The following MIPOL1 variants were observed in gnomAD, a reference collection of about 807,000 sequenced individuals.
The protein encoded by MIPOL1 is mirror-image polydactyly gene 1 protein.
A neutral mutation model predicts 60.9 loss-of-function variants in MIPOL1; 57 were observed. The observed-to-expected ratio is 0.94, with a 90% CI of 0.76 to 1.17. The LOEUF is 1.17. MIPOL1 is among the 50% of genes most tolerant of loss of function. The pLI, the probability that MIPOL1 is intolerant of heterozygous loss-of-function variation, is 0.00. For missense variants in MIPOL1, 551 were observed against 511.6 expected, an observed-to-expected ratio of 1.08 and a Z score of -0.74; for synonymous variants, 179 against 168.8, an observed-to-expected ratio of 1.06 and a Z score of -0.47.
intron 10 of MIPOL1, among the ~76,000 whole-genome samples, chr14:37,378,659 G>A (rs1479724879): frequency 6.6e-6 from 1 of 150,860 alleles, no homozygotes; most frequent in South Asian, 2.1e-4. Context: ...AGGGAGGGAA[G>A]GAAAGAATGT....
At chr14:37,416,597 T>A (rs1366231164) in intron 10 of MIPOL1, among the ~76,000 whole-genome samples, 1 of 152,164 alleles carries the variant, frequency 6.6e-6, no homozygotes, top group Non-Finnish European at 1.5e-5. Context: ...AACTATAGTC[T>A]TATATGTGGT....
intron 11 of MIPOL1, among the ~76,000 whole-genome samples, chr14:37,449,737 T>C (rs2094390114): frequency 6.6e-6 from 1 of 152,182 alleles, no homozygotes; most frequent in Non-Finnish European, 1.5e-5. Context: ...ACTTGAGCCA[T>C]GACTTTCTTG....
intron 3 of MIPOL1, among the ~76,000 whole-genome samples, chr14:37,264,864 C>A (rs1401757384): frequency 6.6e-6 from 1 of 152,098 alleles, no homozygotes; most frequent in Non-Finnish European, 1.5e-5. Flanking sequence ...TGATGTTTGG[C>A]TCTCATTTCT....
rs368814037 is a variant in MIPOL1, at chr14:37,307,190, A to G, written c.624-866A>G. 3.1e-3 allele frequency among the ~76,000 whole-genome samples: 465 copies of G among 151,936 alleles called. 2 individuals carry two copies. The highest frequency in any genetic ancestry group is 0.011 in the African/African-American group (441 of 41,548). ...ACAGAAACGGGGAAAACTTGAGAAAACAGAAACTTGGATATCTAAACTTTT... is the reference window on the plus strand; with the variant it reads ...ACAGAAACGGGGAAAACTTGAGAAAGCAGAAACTTGGATATCTAAACTTTT... On this transcript the variant is annotated intron_variant, in intron 7 of 12. Transcript: ENST00000684589.
chr14:37,521,604 T>C (rs1391947653), intron 12 of MIPOL1, among the ~76,000 whole-genome samples: 4 of 151,944 alleles, frequency 2.6e-5, no homozygotes, highest in Admixed American at 6.6e-5. Context: ...AAGAAAAAAA[T>C]TACGCTCTAA....
chr14:37,483,887 C>T (rs1296226631), intron 11 of MIPOL1, among the ~76,000 whole-genome samples: 1 of 152,158 alleles, frequency 6.6e-6, no homozygotes, highest in African/African-American at 2.4e-5. Flanking sequence ...CCTCCCACCT[C>T]AGTTTTCCAA....
At chr14:37,292,779 C>T (rs1455066470) in intron 7 of MIPOL1, among the ~76,000 whole-genome samples, 1 of 152,064 alleles carries the variant, frequency 6.6e-6, no homozygotes, top group African/African-American at 2.4e-5. Context: ...CCATGCCCAG[C>T]CTAATAAACA....
chr14:37,311,560 A>G (rs780844615), intron 9 of MIPOL1, among the ~76,000 whole-genome samples: 11 of 152,128 alleles, frequency 7.2e-5, no homozygotes, highest in Admixed American at 2.0e-4. Context: ...TTTAATTTTT[A>G]TGTTAGTCAT....
chr14:37,466,590 A>G (rs1038209871), intron 11 of MIPOL1, among the ~76,000 whole-genome samples: 1 of 152,212 alleles, frequency 6.6e-6, no homozygotes, highest in Non-Finnish European at 1.5e-5. Context: ...TATCAGGAGG[A>G]CATAGTTAAT....
At position 37,204,086 on chromosome 14, in the gene MIPOL1, C is replaced by T. The variant is rs191881333; in HGVS notation, c.-199+5982C>T. On this transcript the variant is annotated intron_variant, in intron 1 of 12. Transcript: ENST00000684589. Reference sequence around the variant, plus strand: ...CGTGAGCCACTGCGCCCAGCCCCCTCAGGGATATTAATCCTGCCAACGACC... The same window carrying T: ...CGTGAGCCACTGCGCCCAGCCCCCTTAGGGATATTAATCCTGCCAACGACC... Among the ~76,000 whole-genome samples, 303 of 151,994 alleles carry T rather than the reference C, an allele frequency of 2.0e-3. 1 individual carries two copies. Among genetic ancestry groups the T allele is most frequent in the African/African-American group, 7.2e-3 (298 of 41,438 alleles).
At chr14:37,381,603 G>GA (rs2092926493) in intron 10 of MIPOL1, among the ~76,000 whole-genome samples, 1 of 150,368 alleles carries the variant, frequency 6.7e-6, no homozygotes, top group African/African-American at 2.4e-5. Flanking sequence ...TTTTTTTCAA[G>GA]ACAGGGTCTC....
chr14:37,459,655 C>G (rs140689620), intron 11 of MIPOL1, among the ~76,000 whole-genome samples: 19 of 152,264 alleles, frequency 1.2e-4, no homozygotes, highest in African/African-American at 4.1e-4. Context: ...GGGATTTCTC[C>G]CTAACCCGTT....
chr14:37,289,744 C>G (rs2084893517), intron 7 of MIPOL1, among the ~76,000 whole-genome samples: 2 of 152,036 alleles, frequency 1.3e-5, no homozygotes, highest in Non-Finnish European at 2.9e-5. Flanking sequence ...AAACCATTGG[C>G]CATTGGTGAT....
chr14:37,358,015 G>A lies in MIPOL1; in HGVS notation c.829-11502G>A, dbSNP rs1053279797. 7.3e-5 allele frequency among the ~76,000 whole-genome samples: 11 copies of A among 151,128 alleles called. No homozygotes were observed. In the East Asian group the frequency reaches 1.2e-3, roughly 16 times the overall value. On this transcript the variant is annotated intron_variant, in intron 9 of 12. Transcript: ENST00000684589. ...GCTTCCTGCCCCCTGAGAGGCCCCC[G>A]TGTGTGATGTTCCCTGCCCTATGTC...
chr14:37,396,188 C>T (rs2093368517), intron 10 of MIPOL1, among the ~76,000 whole-genome samples: 1 of 151,950 alleles, frequency 6.6e-6, no homozygotes, highest in African/African-American at 2.4e-5. Flanking sequence ...AATTCTCTCA[C>T]CATTTGTTTG....
chr14:37,427,024 A>T (rs1457506874), intron 11 of MIPOL1, among the ~76,000 whole-genome samples: 2 of 152,094 alleles, frequency 1.3e-5, no homozygotes, highest in Non-Finnish European at 2.9e-5. Context: ...CAAAGGTCAA[A>T]CACAGAATTA....
chr14:37,297,408 G>C (rs200416280), intron 7 of MIPOL1, among the ~76,000 whole-genome samples: 58 of 152,068 alleles, frequency 3.8e-4, no homozygotes, highest in Middle Eastern at 6.8e-3. Flanking sequence ...ACAGGGATGC[G>C]CTCTCTCACC....
chr14:37,469,603 T>C (rs1296369291), intron 11 of MIPOL1, among the ~76,000 whole-genome samples: 2 of 152,098 alleles, frequency 1.3e-5, no homozygotes, highest in Non-Finnish European at 1.5e-5. Context: ...CTTGCTATGG[T>C]TTGAATGTGT....
intron 6 of MIPOL1, chr14:37,276,477 C>T (rs2083670380): frequency 6.6e-6 from 1 of 150,470 alleles, no homozygotes; most frequent in Non-Finnish European, 1.5e-5. Context: ...ATCAAGACAC[C>T]CCAGTGGATT....
Sources: gnomAD v4.1 joint callset for allele counts (sites outside exome capture counted in the v4.1 genomes callset) on GRCh38, gnomAD v4.1.1 for gene constraint, MANE v1.5 for transcripts, NCBI Gene and HGNC (gene_info 2026-07-23, HGNC 2026-07-21) for gene names.